The following SYNRG variants were observed in gnomAD, a reference collection of about 807,000 sequenced individuals.
SYNRG encodes the protein synergin gamma.
SYNRG carries 37 observed loss-of-function variants against 130.9 expected under a neutral mutation model. The ratio of observed to expected loss-of-function variants is 0.28; its 90% CI spans 0.22 to 0.37. The LOEUF is 0.37. Among genes scored for constraint, SYNRG ranks in the 10% least tolerant of loss-of-function variants. SYNRG has a pLI of 1.00. For synonymous variants in SYNRG, 539 were observed against 568.1 expected (o/e 0.95, Z 0.73); for missense variants, 1,338 against 1,588.9 (o/e 0.84, Z 2.68).
intron 3 of SYNRG, among the ~76,000 whole-genome samples, chr17:37,594,633 T>C (rs571979524): frequency 6.6e-6 from 1 of 152,234 alleles, no homozygotes; most frequent in South Asian, 2.1e-4. Flanking sequence ...GGCTAATTTT[T>C]GTATTTTTAG....
At position 37,521,180 on chromosome 17, in the gene SYNRG, G is replaced by A. The variant is rs146549443; in HGVS notation, c.3667-532C>T. 8.0e-3 allele frequency among the ~76,000 whole-genome samples: 1,216 copies of A among 151,836 alleles called. 11 individuals are homozygous for A. The highest frequency in any genetic ancestry group is 0.014 in the Middle Eastern group (4 of 294). On this transcript the variant is annotated intron_variant, in intron 19 of 21. Transcript: ENST00000612223. The stretch of plus-strand genomic sequence containing the variant: ...TCTGAGTAGCTGGGATTACAGGCGC[G>A]CCACCACGTCTGGTTAATTTTGTAT...
chr17:37,562,456 C>G (rs2059609774), intron 11 of SYNRG, among the ~76,000 whole-genome samples: 1 of 152,162 alleles, frequency 6.6e-6, no homozygotes, highest in Non-Finnish European at 1.5e-5. Flanking sequence ...ACCACCTTTA[C>G]ATATGAATGA....
Position 37,553,921 on chromosome 17 carries a change from T to C in SYNRG, c.1802A>G (p.Gln601Arg), listed in dbSNP as rs1464240381. The part of the protein sequence containing the change: ...FPPSFPSGTI[Q>R]QKQQTQVKNP... The stretch of plus-strand genomic sequence containing the variant: ...TTTCACTTGTGTTTGTTGTTTCTGT[T>C]GTATAGTTCCTGAGGGGAAGGATGG... The change falls in exon 14 of 22, where the codon CAA (glutamine) becomes CGA (arginine). Residue 601 changes from glutamine to arginine, a missense_variant. Gln to Arg is a conservative substitution (Grantham distance 43). Coordinates refer to ENST00000612223, the MANE Select transcript of SYNRG (RefSeq NM_007247.6). 6.2e-7 allele frequency: 1 copy of C among 1,610,814 alleles called. No individual in the cohort carries two copies. Among genetic ancestry groups the C allele is most frequent in the Admixed American group, 1.7e-5 (1 of 58,556 alleles).
rs994820604 is a variant in SYNRG at position 37,527,812 on chromosome 17, T to TC, written c.3667-7165dup. ...AAATGGGGGATGTCCTGGAACCAAT[T>TC]CCCCCCCCATGGACAGGGGAATGAC... On this transcript the variant is annotated intron_variant, in intron 19 of 21. Coordinates refer to ENST00000612223, the MANE Select transcript of SYNRG (RefSeq NM_007247.6). Among the ~76,000 whole-genome samples the TC allele has an allele frequency of 6.8e-4, 102 of 150,800 alleles. 1 individual carries two copies. The East Asian group carries it at 7.4e-3, about 11-fold the overall frequency.
intron 3 of SYNRG, among the ~76,000 whole-genome samples, chr17:37,594,100 ACT>A (rs2062463775): frequency 6.6e-6 from 1 of 150,722 alleles, no homozygotes; most frequent in Non-Finnish European, 1.5e-5. Context: ...GTTGTTTCAA[ACT>A]CTAAAAACAT....
At chr17:37,556,425 T>C (rs1469791882) in intron 13 of SYNRG, among the ~76,000 whole-genome samples, 1 of 151,414 alleles carries the variant, frequency 6.6e-6, no homozygotes, top group Admixed American at 6.6e-5. Context: ...CACTCCAGCC[T>C]GGGCAACAAG....
chr17:37,548,877 G>A (rs999147629), intron 14 of SYNRG, among the ~76,000 whole-genome samples: 31 of 148,944 alleles, frequency 2.1e-4, no homozygotes, highest in African/African-American at 7.7e-4. Flanking sequence ...GCTCATGCCT[G>A]TAATCCCAGC....
chr17:37,576,173 C>T (rs1278243295), intron 8 of SYNRG, among the ~76,000 whole-genome samples, 168 bp downstream of exon 8: 1 of 152,076 alleles, frequency 6.6e-6, no homozygotes, highest in Non-Finnish European at 1.5e-5. Context: ...ATGAGGCAGT[C>T]TTATGAAACA....
At chr17:37,587,441 T>A (rs1234767518) in intron 3 of SYNRG, among the ~76,000 whole-genome samples, 1 of 152,264 alleles carries the variant, frequency 6.6e-6, no homozygotes, top group Non-Finnish European at 1.5e-5. Flanking sequence ...CTAAAGTCTG[T>A]CCGTGAAACA....
At chr17:37,535,844 C>T in intron 19 of SYNRG, 135 bp downstream of exon 19, 1 of 1,198,964 alleles carries the variant, frequency 8.3e-7, no homozygotes, top group Non-Finnish European at 1.2e-6. Context: ...CACCTGTGAT[C>T]TCCCTCCTTT....
At chr17:37,574,283 GA>G (rs2060644772) in intron 8 of SYNRG, among the ~76,000 whole-genome samples, 2 of 152,264 alleles carry the variant, frequency 1.3e-5, no homozygotes, top group South Asian at 4.1e-4. Context: ...TTAAATCTAA[GA>G]CCAGAAACTA....
At chr17:37,565,305 AGTC>A (rs1416411439) in intron 11 of SYNRG, among the ~76,000 whole-genome samples, 1 of 152,102 alleles carries the variant, frequency 6.6e-6, no homozygotes, top group Non-Finnish European at 1.5e-5. Context: ...GTATGGAAGT[AGTC>A]AAGTCAGAGC....
chr17:37,569,031 A>C, intron 10 of SYNRG, 107 bp from the exon 11 acceptor site: 1 of 1,209,318 alleles, frequency 8.3e-7, no homozygotes, highest in African/African-American at 1.5e-5. Context: ...CTCAGTTTAG[A>C]TACATTAACT....
Position 37,570,864 on chromosome 17 carries a change from G to A in SYNRG, c.1120C>T (p.Pro374Ser), listed in dbSNP as rs750237295. 1.9e-6 allele frequency: 3 copies of A among 1,614,024 alleles called. No homozygotes were observed. The highest frequency in any genetic ancestry group is 1.1e-5 in the South Asian group (1 of 91,062). Residue 374 changes from proline to serine, a missense_variant, in exon 10 of 22, where the codon CCT (proline) becomes TCT (serine). Physicochemically the swap from Pro to Ser is moderately conservative, Grantham distance 74 (BLOSUM62 -1). This residue lies in a region of SYNRG where 1,146 missense variants were observed against 1,342.3 expected (regional missense o/e 0.85). Transcript: ENST00000612223. ...VTQRGVPAMSPDALNQFPAAP... is the reference protein window; with the variant it reads ...VTQRGVPAMSSDALNQFPAAP... ...GCTGGGAACTGGTTTAAAGCATCAGGACTCATTGCAGGAACGCCCCTCTAC... is the reference window on the plus strand; with the variant it reads ...GCTGGGAACTGGTTTAAAGCATCAGAACTCATTGCAGGAACGCCCCTCTAC...
intron 7 of SYNRG, 21 bp from the exon 8 acceptor site, chr17:37,576,439 A>C (rs755152506): frequency 6.2e-7 from 1 of 1,609,932 alleles, no homozygotes; most frequent in Non-Finnish European, 8.5e-7. Context: ...AGAAACATTA[A>C]TGTATATAGT....
At chr17:37,551,172 C>T (rs1185660966) in intron 14 of SYNRG, among the ~76,000 whole-genome samples, 1 of 152,098 alleles carries the variant, frequency 6.6e-6, no homozygotes, top group Non-Finnish European at 1.5e-5. Context: ...TACCTTTAAC[C>T]CTCAAACTAA....
At chr17:37,569,058 G>T in intron 10 of SYNRG, 134 bp from the exon 11 acceptor site, 2 of 893,380 alleles carry the variant, frequency 2.2e-6, no homozygotes, top group Non-Finnish European at 3.3e-6. Flanking sequence ...CTTACGGCAG[G>T]AATCCTGTTT....
At chr17:37,545,172 T>C (rs565652564) in intron 14 of SYNRG, among the ~76,000 whole-genome samples, 2 of 151,724 alleles carry the variant, frequency 1.3e-5, no homozygotes, top group South Asian at 2.1e-4. Context: ...TGAGCTGAGA[T>C]TGCACCATTG....
intron 10 of SYNRG, among the ~76,000 whole-genome samples, chr17:37,570,189 A>C (rs1159463217): frequency 7.0e-6 from 1 of 142,168 alleles, no homozygotes; most frequent in African/African-American, 2.6e-5. Context: ...TTCTGTTGCC[A>C]AGCAGGAGTG....
Sources: gnomAD v4.1 joint callset for allele counts (sites outside exome capture counted in the v4.1 genomes callset) on GRCh38, gnomAD v4.1.1 for gene constraint, gnomAD v4.1.1 regional missense constraint, MANE v1.5 for transcripts, NCBI Gene and HGNC (gene_info 2026-07-23, HGNC 2026-07-21) for gene names.